PLCB1: variants seen among roughly 807,000 people sequenced by gnomAD.
PLCB1 encodes the protein 1-phosphatidylinositol 4,5-bisphosphate phosphodiesterase beta-1.
Under a neutral mutation model 161.8 loss-of-function variants are expected in PLCB1, and 46 were observed. The ratio of observed to expected loss-of-function variants is 0.28; its 90% CI spans 0.22 to 0.36. The LOEUF (loss-of-function observed/expected upper bound fraction) is 0.36, where lower values mean the gene tolerates loss of function less well. Ranked by LOEUF, PLCB1 falls within the 10% of genes least tolerant of loss-of-function variation. The pLI is 1.00. For synonymous variants in PLCB1, 517 were observed against 503.7 expected, an observed-to-expected ratio of 1.03 and a Z score of -0.35; for missense variants, 1,016 against 1,472.5, an observed-to-expected ratio of 0.69 and a Z score of 5.07.
At chr20:8,540,787 A>G (rs1985281663) in intron 3 of PLCB1, among the ~76,000 whole-genome samples, 1 of 152,186 alleles carries the variant, frequency 6.6e-6, no homozygotes, top group Non-Finnish European at 1.5e-5. Context: ...AATAAAGGCA[A>G]CATTGTTAGA....
At chr20:8,420,739 G>A (rs1979504508) in intron 3 of PLCB1, among the ~76,000 whole-genome samples, 1 of 152,162 alleles carries the variant, frequency 6.6e-6, no homozygotes, top group Non-Finnish European at 1.5e-5. Flanking sequence ...AATTTTGAAA[G>A]CTTCAGCCCT....
At chr20:8,470,788 C>T (rs1982019045) in intron 3 of PLCB1, among the ~76,000 whole-genome samples, 1 of 152,026 alleles carries the variant, frequency 6.6e-6, no homozygotes, top group African/African-American at 2.4e-5. Flanking sequence ...AGATTATTTG[C>T]CCATTTTTTA....
At chr20:8,244,043 A>G (rs1413101940) in intron 2 of PLCB1, among the ~76,000 whole-genome samples, 1 of 151,974 alleles carries the variant, frequency 6.6e-6, no homozygotes, top group Non-Finnish European at 1.5e-5. Flanking sequence ...ACTGACATTT[A>G]CTTTAGATCA....
chr20:8,188,141 G>T (rs1023035152), intron 2 of PLCB1, among the ~76,000 whole-genome samples: 1 of 152,128 alleles, frequency 6.6e-6, no homozygotes, highest in African/African-American at 2.4e-5. Context: ...CCCAACATGT[G>T]TTTGTTGTGG....
At chr20:8,302,318 A>G (rs1202371908) in intron 2 of PLCB1, among the ~76,000 whole-genome samples, 1 of 152,224 alleles carries the variant, frequency 6.6e-6, no homozygotes, top group East Asian at 1.9e-4. Context: ...TTATGGAGGA[A>G]CACAAGGCAA....
chr20:8,354,158 G>T (rs1986284929), intron 2 of PLCB1, among the ~76,000 whole-genome samples: 1 of 152,036 alleles, frequency 6.6e-6, no homozygotes, highest in Non-Finnish European at 1.5e-5. Context: ...TGAGATTTAT[G>T]GTGGTGATGG....
At position 8,196,893 on chromosome 20, in the gene PLCB1, C is replaced by T. The variant is rs1600228646; in HGVS notation, c.177+46522C>T. 3.3e-5 allele frequency among the ~76,000 whole-genome samples: 5 copies of T among 151,926 alleles called. No individual in the cohort carries two copies. The East Asian group carries it at 7.8e-4, about 24-fold the overall frequency. On this transcript the variant is annotated intron_variant, in intron 2 of 31. Coordinates refer to ENST00000338037, the MANE Select transcript of PLCB1 (RefSeq NM_015192.4). ...TCCAAGTGTTCTCATTGTTCAATTC[C>T]CACCTGTGAGTGAGAACATGCGGTG...
intron 26 of PLCB1, among the ~76,000 whole-genome samples, chr20:8,773,121 C>T (rs1982775591): frequency 6.6e-6 from 1 of 152,162 alleles, no homozygotes; most frequent in Admixed American, 6.5e-5. Context: ...CTGATTCTAA[C>T]ACCAGCTTCA....
At chr20:8,139,163 T>C (rs1382674365) in intron 1 of PLCB1, among the ~76,000 whole-genome samples, 1 of 140,814 alleles carries the variant, frequency 7.1e-6, no homozygotes, top group Non-Finnish European at 1.5e-5. Flanking sequence ...CTCGGCTCAC[T>C]GCCAACCTCT....
intron 3 of PLCB1, among the ~76,000 whole-genome samples, chr20:8,480,237 A>G (rs1982443078): frequency 6.6e-6 from 1 of 152,188 alleles, no homozygotes; most frequent in Admixed American, 6.5e-5. Context: ...TCCCTGTCCA[A>G]TCCCCAAGCT....
chr20:8,559,359 T>G (rs1986068595), intron 3 of PLCB1, among the ~76,000 whole-genome samples: 1 of 151,686 alleles, frequency 6.6e-6, no homozygotes, highest in South Asian at 2.1e-4. Context: ...AAAGTATACT[T>G]CAAAAATCAA....
At chr20:8,541,562 G>GAGAAAGAAAGAAAGAA (rs11467115) in intron 3 of PLCB1, among the ~76,000 whole-genome samples, 11,335 of 114,206 alleles carry the variant, frequency 0.099, 818 homozygotes, top group African/African-American at 0.14. Flanking sequence ...AAGGAAGAAA[G>GAGAAAGAAAGAAAGAA]AGAAAGAAAG....
At chr20:8,215,542 C>T (rs973734016) in intron 2 of PLCB1, among the ~76,000 whole-genome samples, 3 of 152,134 alleles carry the variant, frequency 2.0e-5, no homozygotes, top group South Asian at 4.2e-4. Context: ...TCGCAGCCCC[C>T]GTCCCTCTTG....
intron 20 of PLCB1, among the ~76,000 whole-genome samples, chr20:8,738,563 TA>T (rs1200722600): frequency 1.3e-5 from 2 of 151,816 alleles, no homozygotes; most frequent in African/African-American, 4.8e-5. Context: ...TAATAAAAAT[TA>T]AAACACAAAT....
rs138277055 is a variant in PLCB1, at chr20:8,388,860, T to C, written c.246+17410T>C. On this transcript the variant is annotated intron_variant, in intron 3 of 31. Coordinates refer to ENST00000338037, the MANE Select transcript of PLCB1 (RefSeq NM_015192.4). Reference sequence around the variant, plus strand: ...CCTTTTTTATGTTCATTAAATTCCATAGATGTCAGTGGTTTCCTTGGAAAC... The same window carrying C: ...CCTTTTTTATGTTCATTAAATTCCACAGATGTCAGTGGTTTCCTTGGAAAC... Among the ~76,000 whole-genome samples, 13 of 152,318 alleles carry C rather than the reference T, an allele frequency of 8.5e-5. No homozygotes were observed. The East Asian group carries it at 2.1e-3, about 25-fold the overall frequency.
intron 2 of PLCB1, among the ~76,000 whole-genome samples, chr20:8,206,126 C>T (rs1978515794): frequency 6.6e-6 from 1 of 152,092 alleles, no homozygotes; most frequent in African/African-American, 2.4e-5. Flanking sequence ...CCAGTTTTGA[C>T]CTTTGCTCAA....
chr20:8,227,469 C>T (rs955263018), intron 2 of PLCB1, among the ~76,000 whole-genome samples: 1 of 152,080 alleles, frequency 6.6e-6, no homozygotes, highest in African/African-American at 2.4e-5. Flanking sequence ...TACTGCTGAC[C>T]TCACAGCAGG....
intron 3 of PLCB1, among the ~76,000 whole-genome samples, chr20:8,576,843 A>C (rs1243595291): frequency 6.6e-6 from 1 of 152,250 alleles, no homozygotes; most frequent in Non-Finnish European, 1.5e-5. Context: ...TTTAATGATT[A>C]ACTACACAAT....
At chr20:8,283,278 G>A (rs1370394783) in intron 2 of PLCB1, among the ~76,000 whole-genome samples, 1 of 152,042 alleles carries the variant, frequency 6.6e-6, no homozygotes, top group Non-Finnish European at 1.5e-5. Context: ...AAAGAAGACT[G>A]GTTATTGGGA....
Sources: allele counts gnomAD v4.1 joint callset (sites outside exome capture counted in the v4.1 genomes callset), GRCh38; gene constraint gnomAD v4.1.1; transcripts MANE v1.5; gene names NCBI Gene and HGNC (gene_info 2026-07-23, HGNC 2026-07-21).